The following EGFL6 variants were observed in gnomAD, a reference collection of about 807,000 sequenced individuals.
EGFL6 encodes epidermal growth factor-like protein 6.
Under a neutral mutation model 43.1 loss-of-function variants are expected in EGFL6, and 42 were observed. That is an observed-to-expected ratio of 0.98 (90% confidence interval 0.76 to 1.26). EGFL6 has a LOEUF of 1.26. Among genes scored for constraint, EGFL6 ranks in the 50% most tolerant of loss-of-function variants. The pLI is 0.00. For missense variants in EGFL6, 429 were observed against 427.8 expected (o/e 1.00, Z -0.02); for synonymous variants, 164 against 163.2 (o/e 1.01, Z -0.04).
At chrX:13,571,727 T>C (rs1261476333) in intron 1 of EGFL6, among the ~76,000 whole-genome samples, 2 of 112,372 alleles carry the variant, frequency 1.8e-5, no homozygotes, top group Non-Finnish European at 3.8e-5. Context: ...TTTAGACGAT[T>C]ATCAAGTTTA....
intron 9 of EGFL6, among the ~76,000 whole-genome samples, chrX:13,623,033 T>A (rs1018800776): frequency 5.5e-5 from 6 of 109,351 alleles, no homozygotes; most frequent in Middle Eastern, 4.2e-3. Flanking sequence ...AAAAAAAAAA[T>A]TTAAAAATTA....
chrX:13,615,413 G>T (rs1298289281), intron 7 of EGFL6, among the ~76,000 whole-genome samples: 1 of 112,193 alleles, frequency 8.9e-6, no homozygotes. Flanking sequence ...ATTGCAAAAA[G>T]GAAATTTGCA....
intron 1 of EGFL6, among the ~76,000 whole-genome samples, chrX:13,570,522 T>C (rs747743847): frequency 8.9e-6 from 1 of 112,015 alleles, no homozygotes; most frequent in East Asian, 2.8e-4. Flanking sequence ...TGACAACCAT[T>C]CTCATTCTTG....
At chrX:13,573,327 T>G (rs1367539713) in intron 1 of EGFL6, among the ~76,000 whole-genome samples, 1 of 112,128 alleles carries the variant, frequency 8.9e-6, no homozygotes, top group Non-Finnish European at 1.9e-5. Flanking sequence ...GATTTTCGAA[T>G]GATTGGTATA....
rs759757011 is a variant in EGFL6, at chrX:13,599,999, C to G, written c.305C>G (p.Pro102Arg). 1 of 1,208,241 alleles carries G rather than the reference C, an allele frequency of 8.3e-7. No individual in the cohort carries two copies. The highest frequency in any genetic ancestry group is 1.1e-6 in the Non-Finnish European group (1 of 893,972). ...SQDVNECGMK[P>R]RPCQHRCVNT... ...GATGTGAATGAGTGTGGAATGAAACCCCGGCCATGCCAACACAGATGTGTG... is the reference window on the plus strand; with the variant it reads ...GATGTGAATGAGTGTGGAATGAAACGCCGGCCATGCCAACACAGATGTGTG... Residue 102 changes from proline (P) to arginine (R), a missense_variant, in exon 4 of 12, where the codon CCC becomes CGC. Transcript: ENST00000361306.
chrX:13,570,260 G>A (rs1423303002), intron 1 of EGFL6, among the ~76,000 whole-genome samples: 1 of 110,999 alleles, frequency 9.0e-6, no homozygotes, highest in Non-Finnish European at 1.9e-5. Context: ...CTGCAGACCT[G>A]CTGTAGGGGC....
Position 13,627,213 on chromosome X carries a change from T to C in EGFL6, c.1488T>C (p.Ser496=). ...CCCTGGCATGGGAGAAGACCACGAG[T>C]GAGGATGAAAAGTGGAAGACAGGGA... The part of the protein sequence containing the change: ...NNALAWEKTT[S]EDEKWKTGKI... The change falls in exon 11 of 12, where the codon AGT becomes AGC. Residue 496 remains serine, a synonymous_variant. Transcript: ENST00000361306. 8.3e-7 allele frequency: 1 copy of C among 1,210,601 alleles called. No homozygotes were observed. The highest frequency in any genetic ancestry group is 1.1e-6 in the Non-Finnish European group (1 of 895,033).
chrX:13,596,373 G>A (rs1007232788), intron 3 of EGFL6: 4 of 111,342 alleles, frequency 3.6e-5, no homozygotes, highest in Non-Finnish European at 5.7e-5. Flanking sequence ...CTGCGCGCTC[G>A]TGTGGAGAGG....
In EGFL6 at chrX:13,594,910, G is replaced by A. The variant is rs755271089; in HGVS notation, c.262G>A (p.Gly88Arg). 38 of 1,206,000 alleles carry A rather than the reference G, an allele frequency of 3.2e-5. No individual in the cohort carries two copies. The highest frequency in any genetic ancestry group is 4.6e-4 in the Middle Eastern group (2 of 4,361). The change falls in exon 3 of 12, where the codon GGG becomes AGG. Residue 88 changes from glycine (G) to arginine (R), a missense_variant. Coordinates refer to ENST00000361306, the MANE Select transcript of EGFL6 (RefSeq NM_015507.4). ...ATGCAGATGCTTTCCAGGATACACC[G>A]GGAAAACCTGCAGTCAAGGTCAGTA... ...NKCRCFPGYTGKTCSQDVNEC... is the reference protein window; with the variant it reads ...NKCRCFPGYTRKTCSQDVNEC...
At chrX:13,601,261 G>A (rs1057382692) in intron 4 of EGFL6, among the ~76,000 whole-genome samples, 19 of 111,425 alleles carry the variant, frequency 1.7e-4, no homozygotes, top group Admixed American at 1.1e-3. Flanking sequence ...AAAGATTAGT[G>A]ATACTTGTTG....
At chrX:13,632,847 A>C in intron 11 of EGFL6, 138 bp from the exon 12 acceptor site, 1 of 489,557 alleles carries the variant, frequency 2.0e-6, no homozygotes, top group Non-Finnish European at 3.3e-6. Flanking sequence ...CATCTAAAAA[A>C]TAATCTATTA....
chrX:13,596,394 C>T (rs996103079), intron 3 of EGFL6: 2 of 111,412 alleles, frequency 1.8e-5, no homozygotes, highest in Non-Finnish European at 3.8e-5. Flanking sequence ...ACGACCATCC[C>T]CGATAGAGGA....
Position 13,618,024 on chromosome X carries a change from A to T in EGFL6, c.1073A>T (p.Glu358Val). Reference sequence around the variant, plus strand: ...GAGAAAGCCCTGAAGAATGACATAGAGGAGCGAAGCCTGCGAGGAGATGTG... The same window carrying T: ...GAGAAAGCCCTGAAGAATGACATAGTGGAGCGAAGCCTGCGAGGAGATGTG... ...REEKALKNDI[E>V]ERSLRGDVFF... Residue 358 changes from glutamate to valine, a missense_variant, in exon 8 of 12, where the codon GAG (glutamate) becomes GTG (valine). Coordinates refer to ENST00000361306, the MANE Select transcript of EGFL6 (RefSeq NM_015507.4). The T allele has an allele frequency of 8.3e-7, 1 of 1,202,785 alleles. No homozygotes were observed. Among genetic ancestry groups the T allele is most frequent in the Non-Finnish European group, 1.1e-6 (1 of 891,118 alleles).
chrX:13,632,526 G>C (rs1385436321), intron 11 of EGFL6, among the ~76,000 whole-genome samples: 1 of 108,902 alleles, frequency 9.2e-6, no homozygotes, highest in East Asian at 2.9e-4. Flanking sequence ...GGATGATCTT[G>C]ATCTCCTGAC....
intron 7 of EGFL6, among the ~76,000 whole-genome samples, chrX:13,609,329 A>C (rs1195887146): frequency 8.9e-6 from 1 of 112,525 alleles, no homozygotes; most frequent in Non-Finnish European, 1.9e-5. Context: ...AAATAATATT[A>C]AACTTGCTGT....
chrX:13,601,685 T>C (rs912049998), intron 4 of EGFL6, among the ~76,000 whole-genome samples: 11 of 112,094 alleles, frequency 9.8e-5, no homozygotes, highest in African/African-American at 3.6e-4. Context: ...AAAATGGGCA[T>C]TGGAAGGGCC....
chrX:13,624,811 C>G (rs1465763769), intron 10 of EGFL6, among the ~76,000 whole-genome samples: 1 of 111,780 alleles, frequency 8.9e-6, no homozygotes, highest in Admixed American at 9.5e-5. Context: ...CACATGCAAT[C>G]AGAAAACCTA....
chrX:13,590,747 A>T (rs1371716969), intron 2 of EGFL6, among the ~76,000 whole-genome samples: 1 of 111,976 alleles, frequency 8.9e-6, no homozygotes, highest in African/African-American at 3.2e-5. Flanking sequence ...ATTATGCAAA[A>T]CCTTCTGCCA....
At chrX:13,614,036 AC>A (rs1283372232) in intron 7 of EGFL6, among the ~76,000 whole-genome samples, 1 of 112,164 alleles carries the variant, frequency 8.9e-6, no homozygotes, top group African/African-American at 3.2e-5. Context: ...TGTGCCAAGC[AC>A]TAATCTTAGT....
Sources: allele counts gnomAD v4.1 joint callset (sites outside exome capture counted in the v4.1 genomes callset), GRCh38; gene constraint gnomAD v4.1.1; transcripts MANE v1.5; gene names NCBI Gene and HGNC (gene_info 2026-07-23, HGNC 2026-07-21).